Variants in SPACA1 observed in about 807,000 individuals in gnomAD.
SPACA1 encodes sperm acrosome associated 1.
Under a neutral mutation model 32.6 loss-of-function variants are expected in SPACA1, and 17 were observed. The observed-to-expected ratio is 0.52, with a 90% CI of 0.36 to 0.78. SPACA1 has a LOEUF of 0.78. SPACA1 is among the 30% of genes least tolerant of loss of function. SPACA1 has a pLI of 0.01. For synonymous variants in SPACA1, 140 were observed against 138.1 expected (o/e 1.01, Z -0.10); for missense variants, 363 against 373.4 (o/e 0.97, Z 0.23).
chr6:88,057,794 G>T, intron 3 of SPACA1, 81 bp downstream of exon 3: 1 of 1,133,622 alleles, frequency 8.8e-7, no homozygotes, highest in Non-Finnish European at 1.3e-6. Context: ...GGTTGCCACT[G>T]AGTAGAAGGA....
chr6:88,047,518 G>A (rs1449131581), upstream of SPACA1, among the ~76,000 whole-genome samples: 2 of 152,196 alleles, frequency 1.3e-5, no homozygotes, highest in Non-Finnish European at 2.9e-5. Context: ...AAGAAAGCAG[G>A]CAGGGTGAGC....
At chr6:88,049,481 G>A (rs1040575675) in intron 1 of SPACA1, among the ~76,000 whole-genome samples, 1 of 152,088 alleles carries the variant, frequency 6.6e-6, no homozygotes, top group Non-Finnish European at 1.5e-5. Flanking sequence ...GGGAGCGAGA[G>A]AATCCAAAAC....
At chr6:88,058,931 C>A in intron 4 of SPACA1, 109 bp downstream of exon 4, 2 of 644,164 alleles carry the variant, frequency 3.1e-6, no homozygotes, top group Non-Finnish European at 2.5e-6. Context: ...TTTGCCAAAA[C>A]GAAGTTAAGA....
chr6:88,050,050 C>T (rs763048991), intron 1 of SPACA1, among the ~76,000 whole-genome samples: 22 of 152,156 alleles, frequency 1.4e-4, no homozygotes, highest in Non-Finnish European at 2.5e-4. Context: ...AATGATTGGT[C>T]CAATGAATTT....
At chr6:88,060,078 A>G (rs1775869785) in intron 5 of SPACA1, among the ~76,000 whole-genome samples, 1 of 152,202 alleles carries the variant, frequency 6.6e-6, no homozygotes, top group Non-Finnish European at 1.5e-5. Flanking sequence ...ATTTGAAACA[A>G]ATGTTTTTTG....
At position 88,066,475 on chromosome 6, in the gene SPACA1, G is replaced by A. The variant is rs750346301; in HGVS notation, c.*140G>A. ...TGAAGGAAATGCAGTGTGGGGATAG[G>A]ACTATTTTATCAGTGCATTTTTCCA... On this transcript the variant is annotated 3_prime_UTR_variant, in exon 7 of 7. Coordinates refer to ENST00000237201, the MANE Select transcript of SPACA1 (RefSeq NM_030960.3). 13 of 691,738 alleles carry A rather than the reference G, an allele frequency of 1.9e-5. No homozygotes were observed. Among genetic ancestry groups the A allele is most frequent in the Non-Finnish European group, 2.8e-5 (13 of 472,608 alleles). 42.9% of individuals were successfully genotyped at this position (691,738 alleles called of 1,614,324 possible).
intron 1 of SPACA1, among the ~76,000 whole-genome samples, chr6:88,053,282 G>A (rs913147922): frequency 3.3e-5 from 5 of 152,080 alleles, no homozygotes; most frequent in East Asian, 3.9e-4. Context: ...TGAGACTTTC[G>A]TCCTAATTTG....
rs1275368227 is a variant in SPACA1 at position 88,064,116 on chromosome 6, T to C, written c.628T>C (p.Ser210Pro). ...YTSSELQMRR[S>P]SLPATDAALI... The stretch of plus-strand genomic sequence containing the variant: ...TTCTCTAGAATTGCAGATGAGAAGA[T>C]CAAGCCTACCAGCCACTGATGCAGC... The change falls in exon 6 of 7, where the codon TCA (serine) becomes CCA (proline). Residue 210 changes from serine to proline, a missense_variant. By Grantham distance (74) the Ser-to-Pro change is moderately conservative. Coordinates refer to ENST00000237201, the MANE Select transcript of SPACA1 (RefSeq NM_030960.3). The C allele has an allele frequency of 1.2e-6, 2 of 1,613,304 alleles. No individual in the cohort carries two copies. The highest frequency in any genetic ancestry group is 2.7e-5 in the African/African-American group (2 of 74,868).
At position 88,059,495 on chromosome 6, in the gene SPACA1, CG is replaced by C; in HGVS notation, c.518del (p.Arg173ProfsTer19). On this transcript the variant is annotated frameshift_variant, in exon 5 of 7. Transcript: ENST00000237201. LOFTEE classifies it high-confidence loss of function. ...LVNDSAILEV[R>X]KESHPLAFEC... ...AAATGATTCAGCAATCCTAGAAGTA[CG>C]CAAGGAAAGTCACCCCTTGGCTTTC... 2.5e-6 allele frequency: 4 copies of C among 1,612,798 alleles called. No individual in the cohort carries two copies. The highest frequency in any genetic ancestry group is 3.4e-6 in the Non-Finnish European group (4 of 1,179,460).
intron 6 of SPACA1, among the ~76,000 whole-genome samples, chr6:88,064,671 A>G (rs1005829823): frequency 6.6e-6 from 1 of 151,350 alleles, no homozygotes; most frequent in African/African-American, 2.4e-5. Flanking sequence ...ATCGCAAACT[A>G]AAAATGAATA....
rs61739900 is a variant in SPACA1 at position 88,059,576 on chromosome 6, T to A, written c.598T>A (p.Tyr200Asn). 2 of 1,612,288 alleles carry A rather than the reference T, an allele frequency of 1.2e-6. No individual in the cohort carries two copies. The highest frequency in any genetic ancestry group is 2.7e-5 in the African/African-American group (2 of 74,956). The change falls in exon 5 of 7, where the codon TAT becomes AAT. Residue 200 changes from tyrosine to asparagine, a missense_variant. Transcript: ENST00000237201. ...EIVATIKFTV[Y>N]TSSELQMRRS... is the part of the protein sequence containing the mutation. ...AGTAGCAACTATTAAATTCACAGTCTATACGAGCAGTGGTAAGTGTCCAGC... is the reference window on the plus strand; with the variant it reads ...AGTAGCAACTATTAAATTCACAGTCAATACGAGCAGTGGTAAGTGTCCAGC...
intron 5 of SPACA1, among the ~76,000 whole-genome samples, chr6:88,062,345 C>T (rs2127801712): frequency 6.6e-6 from 1 of 152,210 alleles, no homozygotes; most frequent in Middle Eastern, 3.4e-3. Context: ...TTTAAATAGT[C>T]AAAATATACC....
intron 1 of SPACA1, among the ~76,000 whole-genome samples, chr6:88,048,493 T>C (rs193164478): frequency 1.2e-3 from 183 of 152,280 alleles, no homozygotes; most frequent in Non-Finnish European, 2.0e-3. Flanking sequence ...TCCAAGTTGC[T>C]TGATTTCCAC....
At chr6:88,062,328 C>T (rs1374147924) in intron 5 of SPACA1, among the ~76,000 whole-genome samples, 1 of 152,134 alleles carries the variant, frequency 6.6e-6, no homozygotes, top group East Asian at 1.9e-4. Context: ...TTATCAAAAT[C>T]AAAGTATTTA....
chr6:88,064,059 C>T (rs1214895771), intron 5 of SPACA1, 40 bp from the exon 6 acceptor site: 12 of 1,564,270 alleles, frequency 7.7e-6, no homozygotes, highest in Non-Finnish European at 1.0e-5. Context: ...TTTCCTTTTC[C>T]TCAGTAGTAA....
chr6:88,065,849 A>G (rs1218554368), intron 6 of SPACA1, among the ~76,000 whole-genome samples: 3 of 151,722 alleles, frequency 2.0e-5, no homozygotes, highest in Admixed American at 6.6e-5. Context: ...TTATTGAGAA[A>G]AAATTTGAAT....
chr6:88,061,554 T>C (rs1455488908), intron 5 of SPACA1, among the ~76,000 whole-genome samples: 1 of 151,502 alleles, frequency 6.6e-6, no homozygotes, highest in African/African-American at 2.4e-5. Context: ...GAGACAAAAA[T>C]TGGAGTTATG....
intron 6 of SPACA1, among the ~76,000 whole-genome samples, chr6:88,064,875 TAATA>T (rs1775954515): frequency 6.8e-6 from 1 of 147,982 alleles, no homozygotes; most frequent in African/African-American, 2.5e-5. Context: ...TATTTATATA[TAATA>T]TATAATATAC....
chr6:88,063,566 A>G (rs1170550335), intron 5 of SPACA1, among the ~76,000 whole-genome samples: 1 of 152,168 alleles, frequency 6.6e-6, no homozygotes, highest in East Asian at 1.9e-4. Context: ...TTAATTAGGA[A>G]GAGGCTCAAG....
Sources: gnomAD v4.1 joint callset for allele counts (sites outside exome capture counted in the v4.1 genomes callset) on GRCh38, gnomAD v4.1.1 for gene constraint, MANE v1.5 for transcripts, NCBI Gene and HGNC (gene_info 2026-07-23, HGNC 2026-07-21) for gene names.